Variants in LRFN2 observed in about 807,000 individuals in gnomAD.
LRFN2 encodes leucine-rich repeat and fibronectin type-III domain-containing protein 2.
LRFN2 carries 18 observed loss-of-function variants against 37.3 expected under a neutral mutation model. The ratio of observed to expected loss-of-function variants is 0.48; its 90% CI spans 0.33 to 0.72. The LOEUF is 0.72. LRFN2 is among the 30% of genes least tolerant of loss of function. The pLI is 0.02. For missense variants in LRFN2, 1,006 were observed against 1,060.7 expected (o/e 0.95, Z 0.72); for synonymous variants, 556 against 466.6 (o/e 1.19, Z -2.47).
chr6:40,568,338 C>A (rs1334674397), intron 1 of LRFN2, among the ~76,000 whole-genome samples: 2 of 152,186 alleles, frequency 1.3e-5, no homozygotes, highest in Non-Finnish European at 2.9e-5. Flanking sequence ...AGTTGGCATG[C>A]AGGCCTGGGA....
intron 1 of LRFN2, among the ~76,000 whole-genome samples, chr6:40,582,858 T>C (rs1177469606): frequency 2.0e-5 from 3 of 152,212 alleles, no homozygotes; most frequent in African/African-American, 7.2e-5. Context: ...AAGTTTAGCC[T>C]TGTGTTCTTG....
intron 1 of LRFN2, among the ~76,000 whole-genome samples, chr6:40,437,088 G>A (rs535595989): frequency 2.6e-5 from 4 of 152,082 alleles, no homozygotes; most frequent in African/African-American, 9.7e-5. Context: ...AAATGCATCA[G>A]TGTTCTAAGG....
At chr6:40,494,352 G>C (rs1432058573) in intron 1 of LRFN2, among the ~76,000 whole-genome samples, 1 of 152,142 alleles carries the variant, frequency 6.6e-6, no homozygotes, top group African/African-American at 2.4e-5. Context: ...GTGAGAGCAA[G>C]GGGCTTAGTT....
chr6:40,578,421 T>A (rs1235906537), intron 1 of LRFN2, among the ~76,000 whole-genome samples: 1 of 152,152 alleles, frequency 6.6e-6, no homozygotes, highest in Non-Finnish European at 1.5e-5. Context: ...GAAAACCCCA[T>A]CAGACCAGAA....
chr6:40,582,580 T>A (rs746292992), intron 1 of LRFN2, among the ~76,000 whole-genome samples: 1 of 151,900 alleles, frequency 6.6e-6, no homozygotes, highest in South Asian at 2.1e-4. Flanking sequence ...CTTGGAGACA[T>A]TCAAAAAAGC....
At chr6:40,573,401 T>C (rs751484686) in intron 1 of LRFN2, among the ~76,000 whole-genome samples, 69 of 152,204 alleles carry the variant, frequency 4.5e-4, no homozygotes, top group Admixed American at 1.1e-3. Context: ...CCAGGGTGCA[T>C]TACTCGACCT....
intron 1 of LRFN2, among the ~76,000 whole-genome samples, chr6:40,464,140 T>C (rs1174209115): frequency 6.6e-6 from 1 of 152,194 alleles, no homozygotes; most frequent in African/African-American, 2.4e-5. Context: ...ATTATAATGA[T>C]TTCATATGGG....
chr6:40,400,646 C>T (rs1206040388), intron 2 of LRFN2, among the ~76,000 whole-genome samples: 7 of 151,616 alleles, frequency 4.6e-5, no homozygotes. Context: ...ATCTCAAACT[C>T]CTGACCTCAA....
intron 1 of LRFN2, among the ~76,000 whole-genome samples, chr6:40,444,610 A>G (rs752698077): frequency 1.3e-5 from 2 of 152,186 alleles, no homozygotes; most frequent in Admixed American, 6.5e-5. Flanking sequence ...TAGGAGTTCT[A>G]TAAGCTGGGT....
At chr6:40,435,046 TATATATAG>T (rs1225827022) in intron 1 of LRFN2, among the ~76,000 whole-genome samples, 177 of 81,176 alleles carry the variant, frequency 2.2e-3, no homozygotes, top group African/African-American at 7.4e-3. Context: ...TATATATATA[TATATATAG>T]AGAGAGAGAG....
intron 2 of LRFN2, among the ~76,000 whole-genome samples, chr6:40,427,468 C>T (rs567967596): frequency 5.9e-5 from 9 of 152,308 alleles, no homozygotes; most frequent in Admixed American, 2.6e-4. Flanking sequence ...GATGCTGGTC[C>T]AGCCGAGAGT....
intron 1 of LRFN2, among the ~76,000 whole-genome samples, chr6:40,493,344 T>C (rs1352974393): frequency 6.6e-6 from 1 of 152,190 alleles, no homozygotes; most frequent in Non-Finnish European, 1.5e-5. Flanking sequence ...GCTGAGGAAA[T>C]GGCACTTGTC....
chr6:40,560,555 C>T (rs1167450838), intron 1 of LRFN2, among the ~76,000 whole-genome samples: 1 of 152,178 alleles, frequency 6.6e-6, no homozygotes, highest in African/African-American at 2.4e-5. Flanking sequence ...GAAGATACTC[C>T]AGGAGGCAAA....
intron 1 of LRFN2, among the ~76,000 whole-genome samples, chr6:40,500,593 G>T (rs982803075): frequency 2.6e-5 from 4 of 152,216 alleles, no homozygotes; most frequent in African/African-American, 9.6e-5. Context: ...ATACAAGGAT[G>T]TTCATCATAG....
intron 2 of LRFN2, among the ~76,000 whole-genome samples, chr6:40,411,189 C>T (rs1581684887): frequency 6.6e-6 from 1 of 152,236 alleles, no homozygotes; most frequent in African/African-American, 2.4e-5. Flanking sequence ...ACTCTCCTCC[C>T]TCTCCTGCTC....
intron 1 of LRFN2, among the ~76,000 whole-genome samples, chr6:40,543,357 T>C (rs1361247939): frequency 6.6e-6 from 1 of 152,242 alleles, no homozygotes; most frequent in East Asian, 1.9e-4. Context: ...GCCTGTCTCA[T>C]TGCCAGCAGA....
intron 2 of LRFN2, among the ~76,000 whole-genome samples, chr6:40,407,435 T>C (rs1409050812): frequency 1.3e-5 from 2 of 152,282 alleles, no homozygotes; most frequent in East Asian, 3.9e-4. Context: ...ACATGTGAAA[T>C]GGGAGAGTAA....
intron 2 of LRFN2, among the ~76,000 whole-genome samples, chr6:40,398,834 C>T (rs1451416099): frequency 6.6e-6 from 1 of 151,874 alleles, no homozygotes; most frequent in Non-Finnish European, 1.5e-5. Flanking sequence ...ATTATTTTGG[C>T]ATTGTTCATT....
At chr6:40,408,491 C>T (rs779081911) in intron 2 of LRFN2, among the ~76,000 whole-genome samples, 1 of 152,094 alleles carries the variant, frequency 6.6e-6, no homozygotes, top group Non-Finnish European at 1.5e-5. Context: ...ACATGTGCCC[C>T]AATGGATGAA....
Sources: gnomAD v4.1 joint callset for allele counts (sites outside exome capture counted in the v4.1 genomes callset) on GRCh38, gnomAD v4.1.1 for gene constraint, MANE v1.5 for transcripts, NCBI Gene and HGNC (gene_info 2026-07-23, HGNC 2026-07-21) for gene names.